Variants in ZNF100 observed in about 807,000 individuals in gnomAD.
ZNF100 encodes the protein zinc finger protein 100 (Y1).
Under a neutral mutation model 15.8 loss-of-function variants are expected in ZNF100, and 12 were observed. That is an observed-to-expected ratio of 0.76 (90% CI 0.49 to 1.23). ZNF100 has a LOEUF of 1.23. Ranked by LOEUF, ZNF100 falls within the 50% of genes most tolerant of loss-of-function variation. The pLI is 0.00. For missense variants in ZNF100, 670 were observed against 635.6 expected (o/e 1.05, Z -0.58); for synonymous variants, 226 against 214.8 (o/e 1.05, Z -0.45).
chr19:21,731,333 G>A (rs1405963890), intron 4 of ZNF100, among the ~76,000 whole-genome samples: 2 of 146,802 alleles, frequency 1.4e-5, no homozygotes, highest in African/African-American at 5.2e-5. Flanking sequence ...TTTTGAGATG[G>A]AGTCTTGCAC....
At chr19:21,750,880 C>A (rs1209132506) in intron 2 of ZNF100, 4 of 568,746 alleles carry the variant, frequency 7.0e-6, no homozygotes. Context: ...CGTGTCCCCC[C>A]AGTACCAGCC....
At chr19:21,736,126 T>C (rs10405142) in intron 4 of ZNF100, among the ~76,000 whole-genome samples, 129,791 of 151,864 alleles carry the variant, frequency 0.85, 56,002 homozygotes, top group Non-Finnish European at 0.92. Flanking sequence ...CTCACTCTGT[T>C]GCCCATGCTA....
Position 21,726,125 on chromosome 19 carries a change from CAAT to C in ZNF100, c.*555_*557del, listed in dbSNP as rs1488809117. ...AAGTAAACATATTACAATTCTACTA[CAAT>C]GTTCTTCTTCAAAATACTCTTCACT... On this transcript the variant is annotated 3_prime_UTR_variant, in exon 5 of 5. Transcript: ENST00000358296. The C allele has an allele frequency of 6.6e-6, 1 of 152,500 alleles. No individual in the cohort carries two copies. The highest frequency in any genetic ancestry group is 1.5e-5 in the Non-Finnish European group (1 of 68,344). 9.4% of individuals were successfully genotyped at this position (152,500 alleles called of 1,614,324 possible). A position where few individuals can be genotyped will look rare whatever the true frequency, so the allele number is the denominator to read the frequency against.
Position 21,726,664 on chromosome 19 carries a change from A to G in ZNF100, c.*19T>C. The stretch of plus-strand genomic sequence containing the variant: ...GTTTAGTAAGAGTTGAGGACTGGTA[A>G]AAGGCTTTGCCACATTTTTCACATT... On this transcript the variant is annotated 3_prime_UTR_variant, in exon 5 of 5. Coordinates refer to ENST00000358296, the MANE Select transcript of ZNF100 (RefSeq NM_173531.4). The G allele has an allele frequency of 6.3e-7, 1 of 1,595,596 alleles. No homozygotes were observed. Among genetic ancestry groups the G allele is most frequent in the South Asian group, 1.1e-5 (1 of 87,610 alleles).
At chr19:21,741,699 A>G (rs1461874309) in intron 4 of ZNF100, among the ~76,000 whole-genome samples, 2 of 150,654 alleles carry the variant, frequency 1.3e-5, no homozygotes, top group Non-Finnish European at 3.0e-5. Context: ...TTTTTTTGAG[A>G]CAGTCTCACT....
rs777414493 is a variant in ZNF100, at chr19:21,748,670, CACA to C, written c.97-3606_97-3604del. ...CCCTTCAGGTGATAACCTCAGAAGA[CACA>C]ACAATATAAAAAGAAGTGGGCAAAG... On this transcript the variant is annotated intron_variant, in intron 2 of 4. Transcript: ENST00000358296. 2.6e-5 allele frequency among the ~76,000 whole-genome samples: 4 copies of C among 152,230 alleles called. No individual in the cohort carries two copies. The East Asian group carries it at 5.8e-4, about 22-fold the overall frequency.
At chr19:21,765,615 G>A (rs2036544996) in intron 2 of ZNF100, 79 bp downstream of exon 2, 1 of 1,339,494 alleles carries the variant, frequency 7.5e-7, no homozygotes, top group Non-Finnish European at 1.1e-6. Flanking sequence ...ACCAGCATCT[G>A]ATTGGCTGAC....
chr19:21,750,839 G>A (rs1401403707), intron 2 of ZNF100: 2 of 468,260 alleles, frequency 4.3e-6, no homozygotes, highest in African/African-American at 4.0e-5. Flanking sequence ...GAGGAGCAGA[G>A]ACGCCCCATG....
At chr19:21,763,088 A>G (rs571995654) in intron 2 of ZNF100, among the ~76,000 whole-genome samples, 2 of 152,272 alleles carry the variant, frequency 1.3e-5, no homozygotes, top group East Asian at 1.9e-4. Flanking sequence ...TTTAGCAAAT[A>G]ATCAAAAAAT....
At position 21,726,395 on chromosome 19, in the gene ZNF100, TACAATCAAGTGTG is replaced by T; in HGVS notation, c.*275_*287del. 2.8e-6 allele frequency: 1 copy of T among 353,680 alleles called. No individual in the cohort carries two copies. Among genetic ancestry groups the T allele is most frequent in the South Asian group, 5.6e-5 (1 of 17,768 alleles). 21.9% of individuals were successfully genotyped at this position (353,680 alleles called of 1,614,324 possible). The stretch of plus-strand genomic sequence containing the variant: ...TTTCTCCAGTATAACTTACCTTACC[TACAATCAAGTGTG>T]ACAACCATTTAAAACTTTATCACAT... On this transcript the variant is annotated 3_prime_UTR_variant, in exon 5 of 5. Coordinates refer to ENST00000358296, the MANE Select transcript of ZNF100 (RefSeq NM_173531.4).
chr19:21,744,072 C>A lies in ZNF100; in HGVS notation c.267G>T (p.Glu89Asp). The A allele has an allele frequency of 6.2e-7, 1 of 1,612,336 alleles. No individual in the cohort carries two copies. ...LTKPDLITCLEQGKEPWNIKR... is the reference protein window; with the variant it reads ...LTKPDLITCLDQGKEPWNIKR... ...TTATATTCCAGGGCTCTTTTCCTTG[C>A]TCCAGACAGGTGATCAGGTCTGGCT... The change falls in exon 4 of 5, where the codon GAG becomes GAT. Residue 89 changes from glutamate (E) to aspartate (D), a missense_variant. Coordinates refer to ENST00000358296, the MANE Select transcript of ZNF100 (RefSeq NM_173531.4).
chr19:21,729,953 A>G (rs35717293), intron 4 of ZNF100, among the ~76,000 whole-genome samples: 78,298 of 151,666 alleles, frequency 0.52, 20,936 homozygotes, highest in East Asian at 0.65. Context: ...CCCAAGGTCC[A>G]AAAAAGAACA....
intron 4 of ZNF100, 56 bp downstream of exon 4, chr19:21,743,961 C>T: frequency 6.8e-7 from 1 of 1,467,454 alleles, no homozygotes; most frequent in South Asian, 1.3e-5. Context: ...GACCAGCTTT[C>T]TTTTTGACCT....
At chr19:21,740,612 T>C (rs1385810023) in intron 4 of ZNF100, among the ~76,000 whole-genome samples, 2 of 152,164 alleles carry the variant, frequency 1.3e-5, no homozygotes, top group African/African-American at 2.4e-5. Flanking sequence ...TCCCAGCACT[T>C]TGGAGGCTGA....
rs150575565 is a variant in ZNF100, at chr19:21,732,245, A to G, written c.323-4256T>C. 7.2e-3 allele frequency among the ~76,000 whole-genome samples: 1,101 copies of G among 152,328 alleles called. 17 individuals carry two copies. Among genetic ancestry groups the G allele is most frequent in the African/African-American group, 0.025 (1,037 of 41,570 alleles). On this transcript the variant is annotated intron_variant, in intron 4 of 4. Coordinates refer to ENST00000358296, the MANE Select transcript of ZNF100 (RefSeq NM_173531.4). The stretch of plus-strand genomic sequence containing the variant: ...TTAATACCAAGAAAGATACAGTTAC[A>G]ATAGTTTCAATATTATCTTCAAATC...
intron 4 of ZNF100, among the ~76,000 whole-genome samples, chr19:21,734,895 G>A (rs1312982300): frequency 1.3e-5 from 2 of 152,054 alleles, no homozygotes; most frequent in Non-Finnish European, 2.9e-5. Flanking sequence ...GACATTGGGG[G>A]CCAATATTCA....
At chr19:21,738,523 G>A (rs949764290) in intron 4 of ZNF100, among the ~76,000 whole-genome samples, 32 of 151,966 alleles carry the variant, frequency 2.1e-4, no homozygotes, top group Admixed American at 3.9e-4. Context: ...ATCTACAACT[G>A]CCTGATCTTT....
chr19:21,738,530 C>T (rs1397130310), intron 4 of ZNF100, among the ~76,000 whole-genome samples: 1 of 152,028 alleles, frequency 6.6e-6, no homozygotes, highest in Non-Finnish European at 1.5e-5. Context: ...ACTGCCTGAT[C>T]TTTGAAAAAC....
At chr19:21,737,417 C>A (rs1190259487) in intron 4 of ZNF100, among the ~76,000 whole-genome samples, 2 of 151,622 alleles carry the variant, frequency 1.3e-5, no homozygotes, top group Non-Finnish European at 2.9e-5. Context: ...TGCTTATAAT[C>A]CCATCTACTC....
Sources: allele counts gnomAD v4.1 joint callset (sites outside exome capture counted in the v4.1 genomes callset), GRCh38; gene constraint gnomAD v4.1.1; transcripts MANE v1.5; gene names NCBI Gene and HGNC (gene_info 2026-07-23, HGNC 2026-07-21).